HDAC4: variants seen among roughly 807,000 people sequenced by gnomAD.
HDAC4 encodes the protein histone deacetylase 4.
Under a neutral mutation model 135.1 loss-of-function variants are expected in HDAC4, and 16 were observed. That is an observed-to-expected ratio of 0.12 (90% CI 0.08 to 0.18). The LOEUF (loss-of-function observed/expected upper bound fraction) is 0.18, where lower values mean the gene tolerates loss of function less well. HDAC4 is among the 10% of genes least tolerant of loss of function. HDAC4 has a pLI of 1.00. For synonymous variants in HDAC4, 685 were observed against 653.4 expected (o/e 1.05, Z -0.74); for missense variants, 1,143 against 1,511.8 (o/e 0.76, Z 4.05).
At chr2:239,195,514 C>T (rs2045319886) in intron 3 of HDAC4, among the ~76,000 whole-genome samples, 1 of 152,236 alleles carries the variant, frequency 6.6e-6, no homozygotes, top group Non-Finnish European at 1.5e-5. Context: ...ATGAGAACCA[C>T]AATCGCATTC....
At chr2:239,261,733 C>A (rs114484914) in intron 2 of HDAC4, among the ~76,000 whole-genome samples, 2 of 152,226 alleles carry the variant, frequency 1.3e-5, no homozygotes, top group East Asian at 3.9e-4. Flanking sequence ...CCCAGGCCCA[C>A]GGGGAGGAAG....
intron 16 of HDAC4, among the ~76,000 whole-genome samples, chr2:239,098,709 G>GA (rs201142934): frequency 5.1e-4 from 78 of 152,050 alleles, no homozygotes; most frequent in African/African-American, 1.8e-3. Flanking sequence ...AAAGAGGAAA[G>GA]AAAAAAAATC....
Position 239,299,347 on chromosome 2 carries a change from G to C in HDAC4, c.22+53331C>G, listed in dbSNP as rs2052108432. ...TCAAATGCCAAGTAGAGATATTTAA[G>C]TACAGGGACAGAGCGTGGTGCAATG... On this transcript the variant is annotated intron_variant, in intron 2 of 26. Transcript: ENST00000543185. This position sits in a 1 kb window ranked among gnomAD's most constrained non-coding sequence, Gnocchi z 4.0. 6.6e-6 allele frequency among the ~76,000 whole-genome samples: 1 copy of C among 152,170 alleles called. No individual in the cohort carries two copies. The highest frequency in any genetic ancestry group is 6.5e-5 in the Admixed American group (1 of 15,288).
Position 239,303,365 on chromosome 2 carries a change from G to A in HDAC4, c.22+49313C>T, listed in dbSNP as rs567899618. Among the ~76,000 whole-genome samples the A allele has an allele frequency of 5.3e-5, 8 of 152,232 alleles. No individual in the cohort carries two copies. The highest frequency in any genetic ancestry group is 1.4e-4 in the African/African-American group (6 of 41,546). Reference sequence around the variant, plus strand: ...CCTGGTTCCTCTGCCATCAAGACCCGCCGTCTGGTGTGAAGGGAAACGTCC... The same window carrying A: ...CCTGGTTCCTCTGCCATCAAGACCCACCGTCTGGTGTGAAGGGAAACGTCC... On this transcript the variant is annotated intron_variant, in intron 2 of 26. Transcript: ENST00000543185. This position sits in a 1 kb window ranked among gnomAD's most constrained non-coding sequence, Gnocchi z 5.1.
chr2:239,129,090 G>C (rs1176522210), intron 11 of HDAC4, among the ~76,000 whole-genome samples: 1 of 152,164 alleles, frequency 6.6e-6, no homozygotes, highest in Non-Finnish European at 1.5e-5. Flanking sequence ...GACCGGCCCT[G>C]TTCCTTTTCC....
intron 7 of HDAC4, among the ~76,000 whole-genome samples, chr2:239,155,791 G>A (rs3791506): frequency 0.53 from 80,496 of 152,160 alleles, 22,085 homozygotes; most frequent in South Asian, 0.76. Flanking sequence ...TAGGGAGGAC[G>A]CCTTGGGATT....
chr2:239,395,708 T>C (rs1028064810), intron 1 of HDAC4, among the ~76,000 whole-genome samples: 6 of 152,240 alleles, frequency 3.9e-5, no homozygotes, highest in Admixed American at 1.3e-4. Context: ...CCTTTCCCTC[T>C]TACACTGCAC....
At chr2:239,390,628 A>G (rs953229477) in intron 1 of HDAC4, among the ~76,000 whole-genome samples, 4 of 152,078 alleles carry the variant, frequency 2.6e-5, no homozygotes, top group Non-Finnish European at 5.9e-5. Context: ...CCACCTGTGG[A>G]GGAGCTGTGC....
chr2:239,216,492 C>T (rs939710380), intron 3 of HDAC4, among the ~76,000 whole-genome samples: 2 of 152,216 alleles, frequency 1.3e-5, no homozygotes, highest in African/African-American at 4.8e-5. Flanking sequence ...ACTGTCCACA[C>T]CTGCTGCGCT....
In HDAC4 at chr2:239,102,836, T is replaced by A. The variant is rs1294832007; in HGVS notation, c.2173A>T (p.Thr725Ser). The A allele has an allele frequency of 6.2e-7, 1 of 1,613,834 alleles. No individual in the cohort carries two copies. Among genetic ancestry groups the A allele is most frequent in the Non-Finnish European group, 8.5e-7 (1 of 1,179,996 alleles). Residue 725 changes from threonine (T) to serine (S), a missense_variant, in exon 16 of 27, where the codon ACC (threonine) becomes TCC (serine). Around this residue, in one of 9 missense-constraint regions of HDAC4, gnomAD observed 47 missense variants for 117.2 expected, o/e 0.40. Transcript: ENST00000543185. Reference sequence around the variant, plus strand: ...AGGGGGTTCGTGCCATACAGGAGGGTGTGGGCTTCCGAGTGCACCGTCTGT... The same window carrying A: ...AGGGGGTTCGTGCCATACAGGAGGGAGTGGGCTTCCGAGTGCACCGTCTGT... ...ELQTVHSEAH[T>S]LLYGTNPLNR...
At chr2:239,105,929 G>A (rs959749896) in intron 15 of HDAC4, among the ~76,000 whole-genome samples, 1 of 152,212 alleles carries the variant, frequency 6.6e-6, no homozygotes, top group African/African-American at 2.4e-5. Flanking sequence ...CTCTGAACCT[G>A]GAGGGGCACC....
At position 239,313,135 on chromosome 2, in the gene HDAC4, G is replaced by T. The variant is rs753406511; in HGVS notation, c.22+39543C>A. ...CTCCCCGGGGGCGTTCCGAGGTGGC[G>T]GAGGAGGAAGCTGCAGCCCGTTATC... On this transcript the variant is annotated intron_variant, in intron 2 of 26. Coordinates refer to ENST00000543185, the MANE Select transcript of HDAC4 (RefSeq NM_001378414.1). The surrounding 1 kb of genome is among the most constrained non-coding windows in gnomAD (Gnocchi z 5.1). Among the ~76,000 whole-genome samples the T allele has an allele frequency of 1.3e-5, 2 of 152,170 alleles. No individual in the cohort carries two copies. The highest frequency in any genetic ancestry group is 1.3e-4 in the Admixed American group (2 of 15,276).
At chr2:239,192,129 G>A (rs776068211) in intron 3 of HDAC4, among the ~76,000 whole-genome samples, 2 of 152,124 alleles carry the variant, frequency 1.3e-5, no homozygotes, top group Non-Finnish European at 2.9e-5. Flanking sequence ...CATAAACTGC[G>A]TGTTCAATGT....
chr2:239,375,358 C>T (rs1694932716), intron 1 of HDAC4, among the ~76,000 whole-genome samples: 1 of 139,252 alleles, frequency 7.2e-6, no homozygotes, highest in African/African-American at 2.6e-5. Context: ...TCCCTGAACA[C>T]CTGCCAGGCC....
chr2:239,294,470 C>T (rs2051728099), intron 2 of HDAC4, among the ~76,000 whole-genome samples: 1 of 152,138 alleles, frequency 6.6e-6, no homozygotes, highest in South Asian at 2.1e-4. Flanking sequence ...GGAGGTCGCG[C>T]CACTGTGTTT....
chr2:239,162,951 T>TA (rs2042903812), intron 6 of HDAC4, among the ~76,000 whole-genome samples: 1 of 152,122 alleles, frequency 6.6e-6, no homozygotes, highest in African/African-American at 2.4e-5. Context: ...AAAACTCCCT[T>TA]ATGGGATTTT....
At chr2:239,257,550 G>A (rs2049119379) in intron 2 of HDAC4, among the ~76,000 whole-genome samples, 1 of 152,146 alleles carries the variant, frequency 6.6e-6, no homozygotes, top group African/African-American at 2.4e-5. Context: ...AGAGAAGGAG[G>A]GAAATGTGGG....
At chr2:239,291,433 G>A (rs2051491376) in intron 2 of HDAC4, among the ~76,000 whole-genome samples, 1 of 152,202 alleles carries the variant, frequency 6.6e-6, no homozygotes, top group Non-Finnish European at 1.5e-5. Context: ...GTGGCGGGGG[G>A]CCTGAGGGCA....
chr2:239,302,737 C>T (rs934534080), intron 2 of HDAC4, among the ~76,000 whole-genome samples: 4 of 152,364 alleles, frequency 2.6e-5, no homozygotes, highest in Admixed American at 2.0e-4. Context: ...TCACGCAGAG[C>T]GTTTCGTGGG....
Sources: allele counts gnomAD v4.1 joint callset (sites outside exome capture counted in the v4.1 genomes callset), GRCh38; gene constraint gnomAD v4.1.1; regional missense constraint gnomAD v4.1.1; non-coding constraint Gnocchi (gnomAD v3.1); transcripts MANE v1.5; gene names NCBI Gene and HGNC (gene_info 2026-07-23, HGNC 2026-07-21).